The following AHI1 variants were observed in gnomAD, a reference collection of about 807,000 sequenced individuals.
AHI1 encodes jouberin.
AHI1 carries 123 observed loss-of-function variants against 149.3 expected under a neutral mutation model. That is an observed-to-expected ratio of 0.82 (90% CI 0.71 to 0.96). AHI1 has a LOEUF of 0.96. Among genes scored for constraint, AHI1 ranks in the 40% least tolerant of loss-of-function variants. The pLI is 0.00. For synonymous variants in AHI1, 475 were observed against 459.8 expected (o/e 1.03, Z -0.42); for missense variants, 1,439 against 1,422.7 (o/e 1.01, Z -0.18).
At chr6:135,336,355 T>C (rs971625441) in intron 24 of AHI1, among the ~76,000 whole-genome samples, 5 of 152,024 alleles carry the variant, frequency 3.3e-5, no homozygotes, top group Admixed American at 6.6e-5. Flanking sequence ...CCCAGCACTC[T>C]GGGAGGCTGA....
Position 135,467,617 on chromosome 6 carries a change from G to C in AHI1, c.153C>G (p.Ser51Arg), listed in dbSNP as rs1790994808. 1.2e-6 allele frequency: 2 copies of C among 1,607,076 alleles called. No homozygotes were observed. Residue 51 changes from serine to arginine, a missense_variant, in exon 6 of 29, where the codon AGC becomes AGG. Transcript: ENST00000265602. ...EENISPDTIR[S>R]NLHYMKETTS... ...TAGTTTCTTTCATATAGTGAAGATT[G>C]CTTCTAATAGTGTCAGGCTAAAAAG...
At chr6:135,473,015 G>A (rs563268164) in intron 5 of AHI1, among the ~76,000 whole-genome samples, 1 of 151,996 alleles carries the variant, frequency 6.6e-6, no homozygotes, top group South Asian at 2.1e-4. Flanking sequence ...TATGGTTCAT[G>A]TTTTTGTATC....
Position 135,465,838 on chromosome 6 carries a change from G to A in AHI1, c.725C>T (p.Pro242Leu), listed in dbSNP as rs1277170931. 2 of 1,480,894 alleles carry A rather than the reference G, an allele frequency of 1.4e-6. No individual in the cohort carries two copies. The highest frequency in any genetic ancestry group is 1.8e-6 in the Non-Finnish European group (2 of 1,119,928). 91.7% of individuals were successfully genotyped at this position (1,480,894 alleles called of 1,614,324 possible). A position where few individuals can be genotyped will look rare whatever the true frequency, so the allele number is the denominator to read the frequency against. The change falls in exon 7 of 29, where the codon CCA (proline) becomes CTA (leucine). Residue 242 changes from proline (P) to leucine (L), a missense_variant. By Grantham distance (98) the Pro-to-Leu change is moderately conservative. Coordinates refer to ENST00000265602, the MANE Select transcript of AHI1 (RefSeq NM_001134831.2). ...SEKRKKKKEV[P>L]VFSKAETSTL... ...CCTTGTTTCAGCTTTAGAGAAGACTGGAACTTCCTTTTTCTTTTTCCTTTT... is the reference window on the plus strand; with the variant it reads ...CCTTGTTTCAGCTTTAGAGAAGACTAGAACTTCCTTTTTCTTTTTCCTTTT...
At chr6:135,439,400 C>CA (rs1785917520) in intron 14 of AHI1, among the ~76,000 whole-genome samples, 2 of 152,284 alleles carry the variant, frequency 1.3e-5, no homozygotes, top group South Asian at 4.1e-4. Flanking sequence ...GTAGCTGTCT[C>CA]AGTTATCAGA....
chr6:135,387,970 T>G, intron 23 of AHI1: 1 of 1,613,748 alleles, frequency 6.2e-7, no homozygotes, highest in Non-Finnish European at 8.5e-7. Context: ...TCTGGCTGGC[T>G]GACCCTGAGT....
At chr6:135,304,181 A>C (rs1390857689) in intron 26 of AHI1, among the ~76,000 whole-genome samples, 2 of 152,146 alleles carry the variant, frequency 1.3e-5, no homozygotes, top group East Asian at 3.9e-4. Context: ...CAGTCTCTTG[A>C]GTAGCTGGGA....
chr6:135,292,487 A>C (rs997350820), intron 27 of AHI1, among the ~76,000 whole-genome samples: 1 of 152,212 alleles, frequency 6.6e-6, no homozygotes, highest in Non-Finnish European at 1.5e-5. Context: ...AACAACAACA[A>C]CAAACCTGAA....
At chr6:135,331,012 G>A (rs889702411) in intron 24 of AHI1, among the ~76,000 whole-genome samples, 3 of 152,168 alleles carry the variant, frequency 2.0e-5, no homozygotes, top group African/African-American at 7.2e-5. Context: ...CCAGAGGTTT[G>A]TTCTGAAGTA....
chr6:135,467,200 T>A (rs190040569), intron 6 of AHI1, among the ~76,000 whole-genome samples: 10 of 151,748 alleles, frequency 6.6e-5, no homozygotes, highest in African/African-American at 9.6e-5. Context: ...TAAAAACAAC[T>A]AACAAGGAAG....
intron 2 of AHI1, among the ~76,000 whole-genome samples, chr6:135,496,809 A>G (rs1796026565): frequency 6.6e-6 from 1 of 152,244 alleles, no homozygotes; most frequent in African/African-American, 2.4e-5. Context: ...TTCATAAGTA[A>G]ACAAGATTCT....
Position 135,318,574 on chromosome 6 carries a change from G to A in AHI1, c.3371C>T (p.Pro1124Leu). 1.2e-6 allele frequency: 2 copies of A among 1,606,320 alleles called. No homozygotes were observed. The highest frequency in any genetic ancestry group is 2.3e-5 in the South Asian group (2 of 88,794). The change falls in exon 26 of 29, where the codon CCT becomes CTT. Residue 1124 changes from proline (P) to leucine (L), a missense_variant. Pro to Leu is a moderately conservative substitution (Grantham distance 98). Transcript: ENST00000265602. Reference protein sequence around the residue: ...ELPPEIKERSPPLSPEEKTKI... With the variant: ...ELPPEIKERSLPLSPEEKTKI... ...AGTTTTTTCCTCAGGGCTTAAAGGA[G>A]GGGATCGCTCCTTTATCTCAGGAGG...
chr6:135,447,252 A>C, intron 12 of AHI1, 92 bp from the exon 13 acceptor site: 2 of 835,720 alleles, frequency 2.4e-6, no homozygotes, highest in Non-Finnish European at 3.3e-6. Flanking sequence ...AACAAATAAT[A>C]TGAAAATATT....
chr6:135,360,776 G>A (rs545725370), intron 23 of AHI1, among the ~76,000 whole-genome samples: 5 of 152,118 alleles, frequency 3.3e-5, no homozygotes, highest in Admixed American at 2.6e-4. Flanking sequence ...GCATATATCC[G>A]AATGAACTCA....
chr6:135,364,216 G>A lies in AHI1; in HGVS notation c.3110-6029C>T, dbSNP rs112456589. Among the ~76,000 whole-genome samples the A allele has an allele frequency of 9.3e-3, 1,408 of 151,510 alleles. 19 individuals are homozygous for A. Among genetic ancestry groups the A allele is most frequent in the African/African-American group, 0.032 (1,312 of 41,278 alleles). ...CAGAGGGTCTCCTCACTTCTCAGAC[G>A]GGGCGTCCGGGCAGAGACGCTCCTC... On this transcript the variant is annotated intron_variant, in intron 23 of 28. Coordinates refer to ENST00000265602, the MANE Select transcript of AHI1 (RefSeq NM_001134831.2).
chr6:135,485,277 G>T (rs996288287), intron 5 of AHI1, among the ~76,000 whole-genome samples: 2 of 152,118 alleles, frequency 1.3e-5, no homozygotes, highest in African/African-American at 4.8e-5. Flanking sequence ...GTTTCAACAT[G>T]TTGGCCAGGC....
chr6:135,413,251 T>C lies in AHI1; in HGVS notation c.2765-1707A>G, dbSNP rs189485305. On this transcript the variant is annotated intron_variant, in intron 20 of 28. Coordinates refer to ENST00000265602, the MANE Select transcript of AHI1 (RefSeq NM_001134831.2). ...AGGCTGAGGTGGGTGGGAGGATTGC[T>C]TGAGACTGGAGGTCGAGGCTGCCAC... is the stretch of plus-strand genomic sequence containing the variant. 2.0e-5 allele frequency among the ~76,000 whole-genome samples: 3 copies of C among 152,260 alleles called. No homozygotes were observed. The East Asian group carries it at 5.8e-4, about 29-fold the overall frequency.
intron 24 of AHI1, among the ~76,000 whole-genome samples, chr6:135,344,034 T>TC (rs1790776462): frequency 6.6e-6 from 1 of 151,968 alleles, no homozygotes; most frequent in South Asian, 2.1e-4. Context: ...GTTCCAGGAT[T>TC]CCCCTTGGAC....
chr6:135,338,106 T>C (rs1277316563), intron 24 of AHI1, among the ~76,000 whole-genome samples: 1 of 152,022 alleles, frequency 6.6e-6, no homozygotes, highest in Non-Finnish European at 1.5e-5. Context: ...GAGACCAGCC[T>C]GGCCAACGTG....
rs1340932896 is a variant in AHI1 at position 135,457,619 on chromosome 6, G to A, written c.1026C>T (p.Asp342=). The change falls in exon 9 of 29, where the codon GAC becomes GAT. Residue 342 remains aspartate (D), a synonymous_variant. Coordinates refer to ENST00000265602, the MANE Select transcript of AHI1 (RefSeq NM_001134831.2). ...GGTGAATGTAAACTCCCAAGACAAG[G>A]TCATCATCAAGCAAACATTTGGGAT... ...PVYPKCLLDD[D]LVLGVYIHRT... 7 of 1,613,860 alleles carry A rather than the reference G, an allele frequency of 4.3e-6. No individual in the cohort carries two copies. The highest frequency in any genetic ancestry group is 5.9e-6 in the Non-Finnish European group (7 of 1,179,856).
Sources: gnomAD v4.1 joint callset for allele counts (sites outside exome capture counted in the v4.1 genomes callset) on GRCh38, gnomAD v4.1.1 for gene constraint, MANE v1.5 for transcripts, NCBI Gene and HGNC (gene_info 2026-07-23, HGNC 2026-07-21) for gene names.